The following NFASC variants were observed in gnomAD, a reference collection of about 807,000 sequenced individuals.
NFASC encodes the protein neurofascin homolog.
Under a neutral mutation model 147.5 loss-of-function variants are expected in NFASC, and 43 were observed. That is an observed-to-expected ratio of 0.29 (90% CI 0.23 to 0.38). The LOEUF (loss-of-function observed/expected upper bound fraction) is 0.38, where lower values mean the gene tolerates loss of function less well. Among genes scored for constraint, NFASC ranks in the 10% least tolerant of loss-of-function variants. NFASC has a pLI of 1.00. For synonymous variants in NFASC, 622 were observed against 665.5 expected (o/e 0.93, Z 1.01); for missense variants, 1,320 against 1,689.0 (o/e 0.78, Z 3.83).
Position 204,877,566 on chromosome 1 carries a change from TC to T in NFASC, c.-199-43063del, listed in dbSNP as rs1472387021. Among the ~76,000 whole-genome samples the T allele has an allele frequency of 2.6e-5, 4 of 152,240 alleles. No homozygotes were observed. The East Asian group carries it at 7.7e-4, about 29-fold the overall frequency. On this transcript the variant is annotated intron_variant, in intron 1 of 29. Transcript: ENST00000339876. Reference sequence around the variant, plus strand: ...ATAATGAGGTATGTCTGACCTCCCATCCCATCATGGCCTGGAACTCAATTTT... The same window carrying T: ...ATAATGAGGTATGTCTGACCTCCCATCCATCATGGCCTGGAACTCAATTTT...
At chr1:204,971,142 T>C in intron 11 of NFASC, among the ~76,000 whole-genome samples, 1 of 152,074 alleles carries the variant, frequency 6.6e-6, no homozygotes, top group Non-Finnish European at 1.5e-5. Context: ...CAGTAACCCA[T>C]TGTTGGTTAC....
At chr1:204,883,839 T>A (rs1237836811) in intron 1 of NFASC, among the ~76,000 whole-genome samples, 1 of 152,130 alleles carries the variant, frequency 6.6e-6, no homozygotes. Context: ...CACAGTGACC[T>A]CCATGCTGCA....
chr1:204,968,787 G>T lies in NFASC; in HGVS notation c.819-11G>T. The T allele has an allele frequency of 6.2e-7, 1 of 1,608,096 alleles. No homozygotes were observed. The highest frequency in any genetic ancestry group is 8.5e-7 in the Non-Finnish European group (1 of 1,176,914). The stretch of plus-strand genomic sequence containing the variant: ...AGTGATAACTTGTTTCCTGCTTGGC[G>T]CCTCTCCTAGCCCAACACCAGACAT... On this transcript the variant is annotated splice_polypyrimidine_tract_variant and intron_variant, in intron 9 of 29. Transcript: ENST00000339876. The surrounding 1 kb of genome is among the most constrained non-coding windows in gnomAD (Gnocchi z 5.4).
At chr1:204,959,222 G>A (rs769157196) in intron 8 of NFASC, among the ~76,000 whole-genome samples, 2 of 151,606 alleles carry the variant, frequency 1.3e-5, no homozygotes, top group Non-Finnish European at 2.9e-5. Flanking sequence ...GCCTTGCAGT[G>A]TCCCCACACA....
chr1:204,988,490 C>A, intron 22 of NFASC, 143 bp from the exon 23 acceptor site: 1 of 732,062 alleles, frequency 1.4e-6, no homozygotes, highest in Non-Finnish European at 2.3e-6. Flanking sequence ...TGCCTTTGAA[C>A]CAAGCCTTTA....
chr1:205,011,576 T>C (rs1190097205), intron 28 of NFASC, among the ~76,000 whole-genome samples: 3 of 152,156 alleles, frequency 2.0e-5, no homozygotes, highest in Non-Finnish European at 4.4e-5. Flanking sequence ...TTCCAAACAG[T>C]TCTTCGAAAC....
chr1:204,954,258 T>C lies in NFASC; in HGVS notation c.286T>C (p.Ser96Pro). Residue 96 changes from serine (S) to proline (P), a missense_variant, in exon 6 of 30, where the codon TCT (serine) becomes CCT (proline). By Grantham distance (74) the Ser-to-Pro change is moderately conservative (BLOSUM62 -1). This residue lies in a region of NFASC where 981 missense variants were observed against 1,289.5 expected (regional missense o/e 0.76). Transcript: ENST00000339876. This position sits in a 1 kb window ranked among gnomAD's most constrained non-coding sequence, Gnocchi z 5.7. ...CCCCCGGGTGTCCATGAGGAGGAGG[T>C]CTGGGACCCTGGTGATTGACTTCCG... is the stretch of plus-strand genomic sequence containing the variant. ...KDPRVSMRRR[S>P]GTLVIDFRSG... 1 of 1,614,070 alleles carries C rather than the reference T, an allele frequency of 6.2e-7. No homozygotes were observed. The highest frequency in any genetic ancestry group is 8.5e-7 in the Non-Finnish European group (1 of 1,180,014).
intron 1 of NFASC, among the ~76,000 whole-genome samples, chr1:204,899,981 A>C (rs372207649): frequency 1.2e-4 from 18 of 152,202 alleles, no homozygotes; most frequent in African/African-American, 4.3e-4. Flanking sequence ...GTACTGTACT[A>C]AGTGGTTAGG....
At chr1:204,992,051 A>G (rs940385710) in intron 24 of NFASC, among the ~76,000 whole-genome samples, 2 of 152,192 alleles carry the variant, frequency 1.3e-5, no homozygotes, top group African/African-American at 2.4e-5. Context: ...CTGCTAATCA[A>G]GTTACTCCTC....
Position 205,009,648 on chromosome 1 carries a change from C to T in NFASC, c.3381C>T (p.Ile1127=), listed in dbSNP as rs150655555. Residue 1127 remains isoleucine, a synonymous_variant, in exon 28 of 30, where the codon ATC becomes ATT. Coordinates refer to ENST00000339876, the MANE Select transcript of NFASC (RefSeq NM_001005388.3). ...AIALLVLILL[I]VCFIKRSRGG... is the part of the protein sequence containing the mutation. ...CCCTCCTGGTGCTGATCCTGCTCATCGTCTGTTTCATCAAGAGGAGTCGCG... is the reference window on the plus strand; with the variant it reads ...CCCTCCTGGTGCTGATCCTGCTCATTGTCTGTTTCATCAAGAGGAGTCGCG... 1.2e-5 allele frequency: 20 copies of T among 1,614,008 alleles called. No homozygotes were observed. The highest frequency in any genetic ancestry group is 1.0e-4 in the Admixed American group (6 of 60,004).
At chr1:204,872,404 G>T (rs541247534) in intron 1 of NFASC, among the ~76,000 whole-genome samples, 8 of 152,358 alleles carry the variant, frequency 5.3e-5, no homozygotes, top group African/African-American at 1.9e-4. Context: ...AAGGAGCAGT[G>T]ACTATTTTTA....
chr1:204,993,490 ATGCATGG>A (rs1424943167), intron 24 of NFASC, among the ~76,000 whole-genome samples: 1 of 152,134 alleles, frequency 6.6e-6, no homozygotes, highest in Admixed American at 6.5e-5. Context: ...TCTCCATCTC[ATGCATGG>A]TGCTCCCTGA....
At chr1:205,006,760 A>AGAT (rs2096120657) in intron 27 of NFASC, among the ~76,000 whole-genome samples, 2 of 152,192 alleles carry the variant, frequency 1.3e-5, no homozygotes, top group African/African-American at 4.8e-5. Flanking sequence ...CAGCTCTTAG[A>AGAT]GATGGGCACA....
chr1:204,936,023 A>C (rs1437072476), intron 2 of NFASC, among the ~76,000 whole-genome samples: 1 of 152,008 alleles, frequency 6.6e-6, no homozygotes, highest in African/African-American at 2.4e-5. Flanking sequence ...CCAGTATAAA[A>C]ACAGTCACTG....
intron 2 of NFASC, among the ~76,000 whole-genome samples, chr1:204,933,936 G>A (rs532099914): frequency 2.9e-4 from 44 of 152,132 alleles, no homozygotes; most frequent in African/African-American, 1.0e-3. Context: ...TCAGGAGTTC[G>A]AGGCCAGCCT....
intron 1 of NFASC, among the ~76,000 whole-genome samples, chr1:204,848,814 A>G (rs898842465): frequency 6.6e-5 from 10 of 152,188 alleles, no homozygotes; most frequent in African/African-American, 2.4e-4. Flanking sequence ...CCCGGTTACA[A>G]CCCAGCTTCT....
intron 28 of NFASC, 104 bp downstream of exon 28, chr1:205,009,792 G>A: frequency 8.3e-7 from 1 of 1,202,302 alleles, no homozygotes; most frequent in African/African-American, 1.5e-5. Flanking sequence ...TCTCAGTGAA[G>A]CCAGCCCTTG....
intron 1 of NFASC, among the ~76,000 whole-genome samples, chr1:204,916,006 G>A (rs6665518): frequency 0.21 from 32,404 of 152,112 alleles, 3,886 homozygotes; most frequent in East Asian, 0.43. Context: ...GACATGCTGC[G>A]TCCTGCCTTT....
intron 1 of NFASC, chr1:204,871,157 G>A: frequency 8.3e-7 from 1 of 1,200,102 alleles, no homozygotes. Context: ...CTGAAGCGGT[G>A]TGTGCTAGGA....
Sources: allele counts gnomAD v4.1 joint callset (sites outside exome capture counted in the v4.1 genomes callset), GRCh38; gene constraint gnomAD v4.1.1; regional missense constraint gnomAD v4.1.1; non-coding constraint Gnocchi (gnomAD v3.1); transcripts MANE v1.5; gene names NCBI Gene and HGNC (gene_info 2026-07-23, HGNC 2026-07-21).